The following NRXN2 variants were observed in gnomAD, a reference collection of about 807,000 sequenced individuals.
NRXN2 encodes the protein neurexin-2-beta.
NRXN2 carries 29 observed loss-of-function variants against 128.8 expected under a neutral mutation model. The observed-to-expected ratio is 0.23, with a 90% CI of 0.17 to 0.31. The LOEUF (loss-of-function observed/expected upper bound fraction) is 0.31, where lower values mean the gene tolerates loss of function less well. Among genes scored for constraint, NRXN2 ranks in the 10% least tolerant of loss-of-function variants. The pLI, the probability that NRXN2 is intolerant of heterozygous loss-of-function variation, is 1.00. For synonymous variants in NRXN2, 1,098 were observed against 1,075.2 expected, an observed-to-expected ratio of 1.02 and a Z score of -0.41; for missense variants, 1,881 against 2,452.6, an observed-to-expected ratio of 0.77 and a Z score of 4.92.
At position 64,667,511 on chromosome 11, in the gene NRXN2, G is replaced by A. The variant is rs1448509951; in HGVS notation, c.1537C>T (p.Arg513Cys). The change falls in exon 9 of 23, where the codon CGC becomes TGC. Residue 513 changes from arginine (R) to cysteine (C), a missense_variant. Arg to Cys is a radical substitution (Grantham distance 180). Transcript: ENST00000265459. The surrounding 1 kb of genome is among the most constrained non-coding windows in gnomAD (Gnocchi z 5.6). ...AAGTCTAGGGAGATGGAGCCAGTGC[G>A]CTTAGCGCTCCAGCGGGGCAGCGCC... Reference protein sequence around the residue: ...FVALPRWSAKRTGSISLDFRT... With the variant: ...FVALPRWSAKCTGSISLDFRT... The A allele has an allele frequency of 1.2e-6, 2 of 1,614,074 alleles. No individual in the cohort carries two copies. The highest frequency in any genetic ancestry group is 8.5e-7 in the Non-Finnish European group (1 of 1,179,992).
chr11:64,696,524 T>TACAC (rs1255803604), intron 3 of NRXN2, among the ~76,000 whole-genome samples: 6 of 85,118 alleles, frequency 7.0e-5, no homozygotes, highest in African/African-American at 1.8e-4. Flanking sequence ...CACACATACA[T>TACAC]ACATACACAC....
intron 5 of NRXN2, chr11:64,688,520 G>T (rs1317036987): frequency 1.0e-6 from 1 of 985,254 alleles, no homozygotes; most frequent in Non-Finnish European, 1.2e-6. Context: ...GCGGCGGAGG[G>T]GCTCAGCAGA....
intron 9 of NRXN2, 59 bp from the exon 10 acceptor site, chr11:64,661,198 A>C (rs552571656): frequency 8.7e-6 from 14 of 1,608,224 alleles, no homozygotes; most frequent in Non-Finnish European, 1.2e-5. Flanking sequence ...GGACATCCTG[A>C]CTCTGCCAAG....
chr11:64,611,656 GC>G lies in NRXN2; in HGVS notation c.4253-3575del, dbSNP rs145797532. 3.7e-3 allele frequency among the ~76,000 whole-genome samples: 563 copies of G among 152,312 alleles called. 3 individuals carry two copies. The highest frequency in any genetic ancestry group is 0.01 in the Admixed American group (157 of 15,306). ...AAGCCCCCTACAACCATTTTCCCTA[GC>G]TAAGCCCTTGGGACACACAGGCTCC... is the stretch of plus-strand genomic sequence containing the variant. On this transcript the variant is annotated intron_variant, in intron 22 of 22. Coordinates refer to ENST00000265459, the MANE Select transcript of NRXN2 (RefSeq NM_015080.4).
At chr11:64,686,648 C>G (rs758646897) in intron 5 of NRXN2, among the ~76,000 whole-genome samples, 1 of 152,214 alleles carries the variant, frequency 6.6e-6, no homozygotes, top group African/African-American at 2.4e-5. Context: ...GCTATCATCT[C>G]CACCCCCAGC....
chr11:64,654,344 T>C (rs762528956), intron 11 of NRXN2, among the ~76,000 whole-genome samples: 15 of 152,338 alleles, frequency 9.8e-5, no homozygotes, highest in East Asian at 3.9e-4. Flanking sequence ...GCCAGGCTGC[T>C]ACTGGGGATA....
Position 64,668,509 on chromosome 11 carries a change from G to A in NRXN2, c.1293C>T (p.Gly431=). Residue 431 remains glycine (G), a synonymous_variant, in exon 8 of 23, where the codon GGC becomes GGT. Transcript: ENST00000265459. ...CCGGCAGGTCAGCTGTGTTGGGGCTGCCCCCAATGTAGAAGAAGTCATCAG... is the reference window on the plus strand; with the variant it reads ...CCGGCAGGTCAGCTGTGTTGGGGCTACCCCCAATGTAGAAGAAGTCATCAG... ...LGSDDFFYIG[G]SPNTADLPGS... 6.2e-7 allele frequency: 1 copy of A among 1,614,084 alleles called. No homozygotes were observed. Among genetic ancestry groups the A allele is most frequent in the Non-Finnish European group, 8.5e-7 (1 of 1,180,018 alleles).
intron 22 of NRXN2, among the ~76,000 whole-genome samples, chr11:64,612,173 T>C (rs547429152): frequency 6.6e-6 from 1 of 152,260 alleles, no homozygotes; most frequent in African/African-American, 2.4e-5. Flanking sequence ...GAAGAGGCTG[T>C]CCTGGTGAGG....
At chr11:64,629,383 C>T (rs1447837391) in intron 19 of NRXN2, among the ~76,000 whole-genome samples, 1 of 152,150 alleles carries the variant, frequency 6.6e-6, no homozygotes, top group Non-Finnish European at 1.5e-5. Flanking sequence ...AAGGCTCTGT[C>T]CACCTCTTCT....
Position 64,622,948 on chromosome 11 carries a change from C to A in NRXN2, c.3978G>T (p.Glu1326Asp). 6.2e-7 allele frequency: 1 copy of A among 1,613,282 alleles called. No individual in the cohort carries two copies. The change falls in exon 21 of 23, where the codon GAG becomes GAT. Residue 1326 changes from glutamate to aspartate, a missense_variant. Physicochemically the swap from Glu to Asp is conservative, Grantham distance 45. Around this residue, in one of 7 missense-constraint regions of NRXN2, gnomAD observed 108 missense variants for 165.2 expected, o/e 0.65. Transcript: ENST00000265459. The surrounding 1 kb of genome is among the most constrained non-coding windows in gnomAD (Gnocchi z 4.3). Reference protein sequence around the residue: ...NGLKVLALAAESDPNVRTEGH... With the variant: ...NGLKVLALAADSDPNVRTEGH... ...CCTCAGTCCGCACATTGGGGTCGCT[C>A]TCGGCGGCCAGCGCCAGCACCTTGA...
intron 17 of NRXN2, among the ~76,000 whole-genome samples, chr11:64,647,939 G>A (rs1252338408): frequency 6.6e-6 from 1 of 152,218 alleles, no homozygotes; most frequent in Non-Finnish European, 1.5e-5. Flanking sequence ...TTGGGTGAAG[G>A]GAGCAGGGTC....
At chr11:64,655,706 C>T (rs2048173404) in intron 11 of NRXN2, among the ~76,000 whole-genome samples, 2 of 152,178 alleles carry the variant, frequency 1.3e-5, no homozygotes, top group African/African-American at 2.4e-5. Flanking sequence ...CCCACCCCTG[C>T]AGAGACTCCA....
intron 2 of NRXN2, among the ~76,000 whole-genome samples, chr11:64,704,598 T>TCACACACACA (rs1200286244): frequency 1.2e-4 from 12 of 99,574 alleles, no homozygotes; most frequent in African/African-American, 5.1e-4. Context: ...ATTTCCAGGT[T>TCACACACACA]CACACACACA....
At position 64,648,115 on chromosome 11, in the gene NRXN2, C is replaced by G. The variant is rs939960100; in HGVS notation, c.3403+104G>C. 7.9e-6 allele frequency: 12 copies of G among 1,510,874 alleles called. No homozygotes were observed. Among genetic ancestry groups the G allele is most frequent in the African/African-American group, 1.4e-5 (1 of 73,036 alleles). The allele number at this position is 1,510,874 out of a possible 1,614,324, so 93.6% of individuals were successfully genotyped here. A position where few individuals can be genotyped will look rare whatever the true frequency, so the allele number is the denominator to read the frequency against. ...AAGGGATGAGAAGGAAGAAGCAGCA[C>G]AGCTCCTGAATGCTCAGAGGCCCTG... On this transcript the variant is annotated intron_variant, in intron 17 of 22. Coordinates refer to ENST00000265459, the MANE Select transcript of NRXN2 (RefSeq NM_015080.4). This position sits in a 1 kb window ranked among gnomAD's most constrained non-coding sequence, Gnocchi z 4.1.
Position 64,630,087 on chromosome 11 carries a change from C to G in NRXN2, c.3757+315G>C, listed in dbSNP as rs1278644416. Among the ~76,000 whole-genome samples the G allele has an allele frequency of 2.0e-5, 3 of 152,030 alleles. No individual in the cohort carries two copies. The highest frequency in any genetic ancestry group is 7.2e-5 in the African/African-American group (3 of 41,408). ...GCATCAGATTCTCCTCACCTCTACC[C>G]TCCCTCCACTTCTCCCCCCACCCCC... is the stretch of plus-strand genomic sequence containing the variant. On this transcript the variant is annotated intron_variant, in intron 19 of 22. Transcript: ENST00000265459. This position sits in a 1 kb window ranked among gnomAD's most constrained non-coding sequence, Gnocchi z 4.6.
rs377392787 is a variant in NRXN2, at chr11:64,648,183, C to A, written c.3403+36G>T. On this transcript the variant is annotated intron_variant, in intron 17 of 22. Coordinates refer to ENST00000265459, the MANE Select transcript of NRXN2 (RefSeq NM_015080.4). This position sits in a 1 kb window ranked among gnomAD's most constrained non-coding sequence, Gnocchi z 4.1. ...CCTATGGCTGGGAATGGACCCTGGT[C>A]TCCCCAAACTGCCCCCAGCCCTCCC... The A allele has an allele frequency of 6.2e-7, 1 of 1,613,898 alleles. No individual in the cohort carries two copies.
At chr11:64,671,381 C>T (rs2050604104) in intron 7 of NRXN2, among the ~76,000 whole-genome samples, 1 of 151,990 alleles carries the variant, frequency 6.6e-6, no homozygotes, top group Non-Finnish European at 1.5e-5. Flanking sequence ...TTCCCTCAGA[C>T]GAATCAAAGT....
Position 64,677,046 on chromosome 11 carries a change from G to A in NRXN2, c.1153-9C>T. On this transcript the variant is annotated splice_polypyrimidine_tract_variant and intron_variant, in intron 6 of 22. Transcript: ENST00000265459. ...TGTCCAATCCCTGCGTGCTTCACCG[G>A]AGATATGGGGGGATGGGGAGGAGGG... The A allele has an allele frequency of 2.8e-6, 4 of 1,442,080 alleles. No homozygotes were observed. The highest frequency in any genetic ancestry group is 3.7e-6 in the Non-Finnish European group (4 of 1,072,418). The allele number at this position is 1,442,080 out of a possible 1,614,324, so 89.3% of individuals were successfully genotyped here. A position where few individuals can be genotyped will look rare whatever the true frequency, so the allele number is the denominator to read the frequency against.
At position 64,649,670 on chromosome 11, in the gene NRXN2, G is replaced by A. The variant is rs2047193938; in HGVS notation, c.3110-763C>T. ...CAGATCTCAGATCTGAGGGAGTGGGGCAGTTAATTCCATGGTCTCTGAGGA... is the reference window on the plus strand; with the variant it reads ...CAGATCTCAGATCTGAGGGAGTGGGACAGTTAATTCCATGGTCTCTGAGGA... On this transcript the variant is annotated intron_variant, in intron 15 of 22. Transcript: ENST00000265459. Among the ~76,000 whole-genome samples, 3 of 152,300 alleles carry A rather than the reference G, an allele frequency of 2.0e-5. No individual in the cohort carries two copies. In the South Asian group the frequency reaches 6.2e-4, roughly 32 times the overall value.
Sources: allele counts gnomAD v4.1 joint callset (sites outside exome capture counted in the v4.1 genomes callset), GRCh38; gene constraint gnomAD v4.1.1; regional missense constraint gnomAD v4.1.1; non-coding constraint Gnocchi (gnomAD v3.1); transcripts MANE v1.5; gene names NCBI Gene and HGNC (gene_info 2026-07-23, HGNC 2026-07-21).